The following PSD3 variants were observed in gnomAD, a reference collection of about 807,000 sequenced individuals.
PSD3 encodes pleckstrin and Sec7 domain containing 3.
In PSD3, 49 loss-of-function variants were observed where a neutral mutation model predicts 105.5. That is an observed-to-expected ratio of 0.46 (90% CI 0.37 to 0.59). PSD3 has a LOEUF of 0.59. Ranked by LOEUF, PSD3 falls within the 20% of genes least tolerant of loss-of-function variation. PSD3 has a pLI of 0.00. For synonymous variants in PSD3, 557 were observed against 457.8 expected, an observed-to-expected ratio of 1.22 and a Z score of -2.77; for missense variants, 1,561 against 1,263.8, an observed-to-expected ratio of 1.24 and a Z score of -3.57.
At chr8:18,887,774 G>A (rs1396088667) in intron 2 of PSD3, among the ~76,000 whole-genome samples, 2 of 152,134 alleles carry the variant, frequency 1.3e-5, no homozygotes, top group Non-Finnish European at 2.9e-5. Context: ...GTGCCAAACA[G>A]GGTGCTGAAA....
At chr8:18,668,724 TACTTTA>T (rs1443839271) in intron 9 of PSD3, among the ~76,000 whole-genome samples, 1 of 152,180 alleles carries the variant, frequency 6.6e-6, no homozygotes, top group Non-Finnish European at 1.5e-5. Flanking sequence ...CATATATACA[TACTTTA>T]AAGTCAGTAT....
intron 2 of PSD3, among the ~76,000 whole-genome samples, chr8:18,922,122 G>A (rs746101992): frequency 2.0e-5 from 3 of 152,176 alleles, no homozygotes; most frequent in Non-Finnish European, 4.4e-5. Context: ...TTTATTCAAG[G>A]ATCCATGAAG....
intron 12 of PSD3, among the ~76,000 whole-genome samples, chr8:18,586,172 A>C (rs1396918579): frequency 1.3e-5 from 2 of 152,130 alleles, no homozygotes; most frequent in African/African-American, 2.4e-5. Flanking sequence ...TAATGCTTCA[A>C]CTTCCTGTAG....
chr8:18,555,079 G>A (rs183837260), intron 15 of PSD3, among the ~76,000 whole-genome samples: 11 of 152,098 alleles, frequency 7.2e-5, no homozygotes, highest in East Asian at 1.9e-4. Context: ...GAGGGGAATC[G>A]GGGAAGCTGT....
intron 1 of PSD3, among the ~76,000 whole-genome samples, chr8:19,036,112 T>C (rs1827936645): frequency 6.6e-6 from 1 of 152,132 alleles, no homozygotes; most frequent in African/African-American, 2.4e-5. Flanking sequence ...TGCTGAGCCT[T>C]TTAGTTTCCT....
At chr8:19,035,831 T>G (rs1827923726) in intron 1 of PSD3, among the ~76,000 whole-genome samples, 1 of 152,164 alleles carries the variant, frequency 6.6e-6, no homozygotes. Context: ...CTCAGCTCAC[T>G]GCAACCTCCA....
intron 4 of PSD3, among the ~76,000 whole-genome samples, chr8:18,827,292 C>T (rs1263417198): frequency 6.6e-6 from 1 of 152,104 alleles, no homozygotes; most frequent in African/African-American, 2.4e-5. Flanking sequence ...TGGCATTTAC[C>T]AGGTGGAGAG....
chr8:18,648,098 A>C (rs1481162882), intron 10 of PSD3, among the ~76,000 whole-genome samples: 1 of 150,016 alleles, frequency 6.7e-6, no homozygotes, highest in Non-Finnish European at 1.5e-5. Context: ...ACGAATTCAG[A>C]AAAATGGGTC....
rs558392075 is a variant in PSD3 at position 18,736,147 on chromosome 8, C to T, written c.2172+29302G>A. On this transcript the variant is annotated intron_variant, in intron 9 of 15. Transcript: ENST00000327040. Reference sequence around the variant, plus strand: ...AAGTATAAGCATAAACCTTATATATCTCACGTAATTTCTATAACCTCCAAC... The same window carrying T: ...AAGTATAAGCATAAACCTTATATATTTCACGTAATTTCTATAACCTCCAAC... Among the ~76,000 whole-genome samples, 5 of 152,270 alleles carry T rather than the reference C, an allele frequency of 3.3e-5. No homozygotes were observed. In the East Asian group the frequency reaches 9.7e-4, roughly 29 times the overall value.
chr8:18,733,044 G>C (rs1244322712), intron 9 of PSD3: 1 of 152,056 alleles, frequency 6.6e-6, no homozygotes, highest in Non-Finnish European at 1.5e-5. Context: ...ATAGCATCAC[G>C]GACAGCAGCG....
chr8:18,929,318 C>A (rs1439902108), intron 2 of PSD3, among the ~76,000 whole-genome samples: 1 of 152,024 alleles, frequency 6.6e-6, no homozygotes, highest in Non-Finnish European at 1.5e-5. Context: ...CCAAACAAGC[C>A]CAGAGGGCCA....
chr8:18,681,508 A>G (rs1800389977), intron 9 of PSD3, among the ~76,000 whole-genome samples: 1 of 151,844 alleles, frequency 6.6e-6, no homozygotes, highest in African/African-American at 2.4e-5. Context: ...AGGGCTAAAA[A>G]ATACTACTAG....
At chr8:18,870,440 A>T (rs73202142) in intron 3 of PSD3, among the ~76,000 whole-genome samples, 2 of 152,126 alleles carry the variant, frequency 1.3e-5, no homozygotes, top group Non-Finnish European at 2.9e-5. Context: ...TCAAGTTTCA[A>T]TCATAAAGGC....
chr8:18,556,473 G>A, intron 14 of PSD3, 121 bp from the exon 15 acceptor site: 4 of 927,850 alleles, frequency 4.3e-6, no homozygotes, highest in Non-Finnish European at 6.5e-6. Flanking sequence ...AGCCCAATGT[G>A]CCTCTGCTGC....
rs147986481 is a variant in PSD3 at position 18,759,250 on chromosome 8, A to T, written c.2172+6199T>A. Among the ~76,000 whole-genome samples, 699 of 152,224 alleles carry T rather than the reference A, an allele frequency of 4.6e-3. 6 individuals carry two copies. Among genetic ancestry groups the T allele is most frequent in the East Asian group, 0.029 (152 of 5,174 alleles). On this transcript the variant is annotated intron_variant, in intron 9 of 15. Transcript: ENST00000327040. ...AGAATATTCTAATGTCAAACATCTA[A>T]TAGCAAGCAATAACCTAAAAGACTG...
chr8:18,567,965 T>G (rs35111948), intron 14 of PSD3, among the ~76,000 whole-genome samples: 4,355 of 152,346 alleles, frequency 0.029, 96 homozygotes, highest in Admixed American at 0.065. Flanking sequence ...GAGGTAGTTC[T>G]TGCTTTATTA....
At chr8:19,059,601 G>T (rs1211739275) in intron 1 of PSD3, among the ~76,000 whole-genome samples, 1 of 152,114 alleles carries the variant, frequency 6.6e-6, no homozygotes, top group East Asian at 1.9e-4. Context: ...TGCCTAGACA[G>T]GGAGATTATG....
At chr8:18,849,419 T>A (rs1815388774) in intron 4 of PSD3, 1 of 152,252 alleles carries the variant, frequency 6.6e-6, no homozygotes, top group African/African-American at 2.4e-5. Context: ...CAGTCGCTCA[T>A]ATCAGCCGAG....
chr8:18,813,595 T>C (rs1016729817), intron 4 of PSD3, among the ~76,000 whole-genome samples: 2 of 152,230 alleles, frequency 1.3e-5, no homozygotes, highest in African/African-American at 4.8e-5. Context: ...CAGGAAATTC[T>C]ACCTGTGAGT....
Sources: gnomAD v4.1 joint callset for allele counts (sites outside exome capture counted in the v4.1 genomes callset) on GRCh38, gnomAD v4.1.1 for gene constraint, MANE v1.5 for transcripts, NCBI Gene and HGNC (gene_info 2026-07-23, HGNC 2026-07-21) for gene names.